RYR2: variants seen among roughly 807,000 people sequenced by gnomAD.
The protein encoded by RYR2 is ryanodine receptor 2.
Under a neutral mutation model 601.1 loss-of-function variants are expected in RYR2, and 227 were observed. The ratio of observed to expected loss-of-function variants is 0.38; its 90% confidence interval spans 0.34 to 0.42. RYR2 has a LOEUF of 0.42. Ranked by LOEUF, RYR2 falls within the 10% of genes least tolerant of loss-of-function variation. The pLI is 1.00. For synonymous variants in RYR2, 2,223 were observed against 2,175.1 expected (o/e 1.02, Z -0.61); for missense variants, 4,646 against 6,156.5 (o/e 0.75, Z 8.21).
intron 31 of RYR2, among the ~76,000 whole-genome samples, 151 bp downstream of exon 31, chr1:237,591,143 C>T (rs1675129204): frequency 8.1e-5 from 1 of 12,354 alleles, no homozygotes; most frequent in African/African-American, 1.4e-4. Context: ...CCCTCCTCCT[C>T]CTCCCCCTCC....
intron 16 of RYR2, 132 bp downstream of exon 16, chr1:237,456,867 A>G: frequency 2.1e-6 from 2 of 956,024 alleles, no homozygotes; most frequent in Admixed American, 2.6e-5. Flanking sequence ...ATTTGAGGCC[A>G]GGAATTTGAG....
intron 1 of RYR2, among the ~76,000 whole-genome samples, chr1:237,234,491 C>T (rs896761089): frequency 7.9e-5 from 12 of 152,052 alleles, no homozygotes; most frequent in African/African-American, 2.2e-4. Flanking sequence ...AGTATCTGTT[C>T]GGTGGGAGTT....
chr1:237,588,988 TAG>T (rs1178761829), intron 29 of RYR2, among the ~76,000 whole-genome samples: 1 of 152,198 alleles, frequency 6.6e-6, no homozygotes, highest in African/African-American at 2.4e-5. Context: ...AAAGTTAGTA[TAG>T]TTCCCCTTTT....
At chr1:237,088,553 G>A (rs1482883960) in intron 1 of RYR2, among the ~76,000 whole-genome samples, 3 of 152,118 alleles carry the variant, frequency 2.0e-5, no homozygotes, top group African/African-American at 7.3e-5. Flanking sequence ...ACAAAAGCCA[G>A]GGGCATTGGT....
intron 34 of RYR2, among the ~76,000 whole-genome samples, chr1:237,599,993 T>C (rs34350977): frequency 0.055 from 8,311 of 152,114 alleles, 321 homozygotes; most frequent in East Asian, 0.13. Flanking sequence ...AAAATGTCCA[T>C]AGTACAAAAA....
chr1:237,198,662 A>G (rs1316336407), intron 1 of RYR2, among the ~76,000 whole-genome samples: 1 of 152,128 alleles, frequency 6.6e-6, no homozygotes, highest in Admixed American at 6.5e-5. Context: ...GACTGCTCTT[A>G]GAGAGACTAT....
chr1:237,522,463 G>GT (rs1667186956), intron 24 of RYR2, among the ~76,000 whole-genome samples: 1 of 152,198 alleles, frequency 6.6e-6, no homozygotes, highest in Non-Finnish European at 1.5e-5. Context: ...CGAACATGTT[G>GT]TCTGAGTTCC....
chr1:237,262,903 A>AT (rs551115674), intron 1 of RYR2, among the ~76,000 whole-genome samples: 87 of 149,450 alleles, frequency 5.8e-4, no homozygotes, highest in African/African-American at 1.2e-3. Context: ...GATGTGAGAG[A>AT]TTTTTTTTTT....
chr1:237,804,165 C>T (rs1660332225), intron 98 of RYR2, among the ~76,000 whole-genome samples: 2 of 151,976 alleles, frequency 1.3e-5, no homozygotes, highest in Non-Finnish European at 2.9e-5. Flanking sequence ...TGCAGTGGCA[C>T]TCAAGTTCCT....
At chr1:237,243,654 T>C (rs1203632330) in intron 1 of RYR2, among the ~76,000 whole-genome samples, 1 of 152,046 alleles carries the variant, frequency 6.6e-6, no homozygotes, top group Non-Finnish European at 1.5e-5. Flanking sequence ...GGGAGGGTCT[T>C]AAAAACCACA....
In RYR2 at chr1:237,360,885, A is replaced by G. The variant is rs187319908; in HGVS notation, c.295-3473A>G. On this transcript the variant is annotated intron_variant, in intron 4 of 104. Coordinates refer to ENST00000366574, the MANE Select transcript of RYR2 (RefSeq NM_001035.3). Reference sequence around the variant, plus strand: ...AGTGAAGCATTTCCATAGGATTTATATAGATATTTTTTAAGACAGGGTCTT... The same window carrying G: ...AGTGAAGCATTTCCATAGGATTTATGTAGATATTTTTTAAGACAGGGTCTT... 8.5e-5 allele frequency among the ~76,000 whole-genome samples: 13 copies of G among 152,258 alleles called. No homozygotes were observed. In the East Asian group the frequency reaches 2.5e-3, roughly 29 times the overall value.
chr1:237,484,885 G>T (rs1471677226), intron 17 of RYR2, among the ~76,000 whole-genome samples: 1 of 151,954 alleles, frequency 6.6e-6, no homozygotes, highest in Non-Finnish European at 1.5e-5. Context: ...GTTATTTCTA[G>T]ACATTTAGTT....
At chr1:237,803,642 T>C (rs1319714902) in intron 98 of RYR2, among the ~76,000 whole-genome samples, 1 of 152,144 alleles carries the variant, frequency 6.6e-6, no homozygotes, top group Non-Finnish European at 1.5e-5. Context: ...CATCTGAATG[T>C]CCCATGGCAA....
intron 5 of RYR2, among the ~76,000 whole-genome samples, chr1:237,368,788 G>A (rs1009413590): frequency 6.0e-5 from 9 of 150,056 alleles, no homozygotes; most frequent in Non-Finnish European, 1.0e-4. Context: ...ATACTCATTC[G>A]TTGAATCAAC....
At chr1:237,050,187 G>C (rs1410294326) in intron 1 of RYR2, among the ~76,000 whole-genome samples, 1 of 152,174 alleles carries the variant, frequency 6.6e-6, no homozygotes, top group Non-Finnish European at 1.5e-5. Context: ...CTGGATGGCT[G>C]GGTGCAGGTA....
intron 44 of RYR2, among the ~76,000 whole-genome samples, chr1:237,636,397 A>G (rs1040574779): frequency 1.1e-4 from 16 of 152,146 alleles, no homozygotes; most frequent in African/African-American, 3.9e-4. Flanking sequence ...CTCCTGACAT[A>G]CCAGTCCAGG....
intron 12 of RYR2, among the ~76,000 whole-genome samples, chr1:237,429,542 C>A (rs191139073): frequency 6.6e-6 from 1 of 152,202 alleles, no homozygotes; most frequent in Admixed American, 6.5e-5. Context: ...GCTGCCTGAC[C>A]CTGTGTCTAA....
chr1:237,509,570 T>C (rs374371572), intron 23 of RYR2, among the ~76,000 whole-genome samples: 1 of 152,222 alleles, frequency 6.6e-6, no homozygotes, highest in African/African-American at 2.4e-5. Context: ...CTGTCTATCA[T>C]TTATTCGTCC....
chr1:237,517,513 G>A (rs114065667), intron 24 of RYR2, among the ~76,000 whole-genome samples: 2,134 of 151,940 alleles, frequency 0.014, 27 homozygotes, highest in Middle Eastern at 0.051. Context: ...ATCACAAAAA[G>A]ATCTCATAAT....
Sources: gnomAD v4.1 joint callset for allele counts (sites outside exome capture counted in the v4.1 genomes callset) on GRCh38, gnomAD v4.1.1 for gene constraint, MANE v1.5 for transcripts, NCBI Gene and HGNC (gene_info 2026-07-23, HGNC 2026-07-21) for gene names.